Variants in RER1 observed in about 807,000 individuals in gnomAD.
RER1 encodes retention in endoplasmic reticulum sorting receptor 1.
Under a neutral mutation model 28.3 loss-of-function variants are expected in RER1, and 6 were observed. That is an observed-to-expected ratio of 0.21 (90% CI 0.12 to 0.42). The LOEUF is 0.42. RER1 is among the 10% of genes least tolerant of loss of function. RER1 has a pLI of 1.00. For missense variants in RER1, 159 were observed against 252.9 expected, an observed-to-expected ratio of 0.63 and a Z score of 2.52; for synonymous variants, 110 against 95.9, an observed-to-expected ratio of 1.15 and a Z score of -0.86.
At position 2,405,194 on chromosome 1, in the gene RER1, T is replaced by TAGA; in HGVS notation, c.*2070_*2071insAGA. 1 of 182,172 alleles carries TAGA rather than the reference T, an allele frequency of 5.5e-6. No individual in the cohort carries two copies. The highest frequency in any genetic ancestry group is 1.2e-5 in the Non-Finnish European group (1 of 84,990). The allele number at this position is 182,172 out of a possible 1,614,324, so 11.3% of individuals were successfully genotyped here. On this transcript the variant is annotated 3_prime_UTR_variant, in exon 7 of 7. Transcript: ENST00000605895. ...GACGGAGGTGCTGGCCTTGGTTGGT[T>TAGA]TCTCTCTGCCCCGTGTGGTCATCAA...
intron 5 of RER1, among the ~76,000 whole-genome samples, chr1:2,401,776 C>T (rs1642867134): frequency 6.6e-6 from 1 of 152,130 alleles, no homozygotes; most frequent in Non-Finnish European, 1.5e-5. Context: ...GAGAGCTGAG[C>T]CTCCAGGGCC....
rs1212260642 is a variant in RER1 at position 2,404,269 on chromosome 1, C to G, written c.*1145C>G. 4 of 152,270 alleles carry G rather than the reference C, an allele frequency of 2.6e-5. No individual in the cohort carries two copies. Among genetic ancestry groups the G allele is most frequent in the Admixed American group, 2.0e-4 (3 of 15,288 alleles). The allele number at this position is 152,270 out of a possible 1,614,324, so 9.4% of individuals were successfully genotyped here. A position where few individuals can be genotyped will look rare whatever the true frequency, so the allele number is the denominator to read the frequency against. On this transcript the variant is annotated 3_prime_UTR_variant, in exon 7 of 7. Coordinates refer to ENST00000605895, the MANE Select transcript of RER1 (RefSeq NM_007033.5). ...TTTACATATCTGACATCGAGCTCCT[C>G]TAAGAGGCCACGTTCAAGCTTGTGT... is the stretch of plus-strand genomic sequence containing the variant.
chr1:2,397,424 A>G lies in RER1; in HGVS notation c.186+204A>G, dbSNP rs537367188. On this transcript the variant is annotated intron_variant, in intron 3 of 6. Coordinates refer to ENST00000605895, the MANE Select transcript of RER1 (RefSeq NM_007033.5). ...ATGATTCACCCGGAGTCGCCTCGCC[A>G]GGCTTCTCAGTATACCCAGGCCGTC... is the stretch of plus-strand genomic sequence containing the variant. Among the ~76,000 whole-genome samples, 286 of 152,284 alleles carry G rather than the reference A, an allele frequency of 1.9e-3. 1 individual carries two copies. Among genetic ancestry groups the G allele is most frequent in the Middle Eastern group, 6.8e-3 (2 of 294 alleles).
At chr1:2,396,532 A>G (rs964369176) in intron 2 of RER1, among the ~76,000 whole-genome samples, 1 of 152,246 alleles carries the variant, frequency 6.6e-6, no homozygotes, top group African/African-American at 2.4e-5. Context: ...ATTTCTCACA[A>G]TTTGAAAATT....
intron 1 of RER1, chr1:2,395,541 A>G: frequency 2.0e-6 from 1 of 501,564 alleles, no homozygotes; most frequent in Non-Finnish European, 3.6e-6. Context: ...CTGAGGTGCC[A>G]GTGTGGGAAT....
intron 2 of RER1, 48 bp from the exon 3 acceptor site, chr1:2,397,068 C>A: frequency 7.7e-7 from 1 of 1,291,252 alleles, no homozygotes; most frequent in Non-Finnish European, 1.1e-6. Flanking sequence ...AGGGTCAGTA[C>A]AGAAGTTACA....
chr1:2,396,732 G>C (rs1320668304), intron 2 of RER1, among the ~76,000 whole-genome samples: 1 of 152,210 alleles, frequency 6.6e-6, no homozygotes, highest in African/African-American at 2.4e-5. Context: ...TGCTGCAGAT[G>C]GGGGAGCTGA....
At chr1:2,399,047 C>T (rs1318792947) in intron 3 of RER1, among the ~76,000 whole-genome samples, 3 of 152,122 alleles carry the variant, frequency 2.0e-5, no homozygotes, top group South Asian at 2.1e-4. Context: ...CTCAGGTGCC[C>T]GGGCCACCCG....
chr1:2,394,234 C>G (rs1256355742), intron 1 of RER1: 1 of 152,200 alleles, frequency 6.6e-6, no homozygotes, highest in Non-Finnish European at 1.5e-5. Flanking sequence ...CAAAGGGCCC[C>G]TCGGTCTCCT....
chr1:2,402,939 G>A (rs1642892966), intron 6 of RER1, 96 bp from the exon 7 acceptor site: 7 of 990,464 alleles, frequency 7.1e-6, no homozygotes, highest in Admixed American at 2.0e-5. Context: ...CTGATGTATA[G>A]AAAAGATGGG....
intron 2 of RER1, 92 bp from the exon 3 acceptor site, chr1:2,397,023 GA>G: frequency 5.2e-6 from 4 of 762,976 alleles, no homozygotes; most frequent in Non-Finnish European, 6.7e-6. Flanking sequence ...TTTAAAAATT[GA>G]AAGCCAACCC....
rs1642910283 is a variant in RER1, at chr1:2,403,698, A to G, written c.*574A>G. ...CTAATGACTCAAAACTTGGTTCTTA[A>G]CTACCATGATTGCTTTTGAGGGCCC... On this transcript the variant is annotated 3_prime_UTR_variant, in exon 7 of 7. Transcript: ENST00000605895. 6.5e-6 allele frequency: 1 copy of G among 152,738 alleles called. No homozygotes were observed. Among genetic ancestry groups the G allele is most frequent in the Non-Finnish European group, 1.5e-5 (1 of 68,088 alleles). The allele number at this position is 152,738 out of a possible 1,614,324, so 9.5% of individuals were successfully genotyped here. A position where few individuals can be genotyped will look rare whatever the true frequency, so the allele number is the denominator to read the frequency against.
At chr1:2,401,920 C>T in intron 5 of RER1, 1 of 1,200,230 alleles carries the variant, frequency 8.3e-7, no homozygotes, top group Non-Finnish European at 1.1e-6. Context: ...AGCCAGCAGG[C>T]ATGGGGCCCC....
intron 1 of RER1, among the ~76,000 whole-genome samples, 161 bp downstream of exon 1, chr1:2,392,119 C>T (rs1262644612): frequency 4.6e-5 from 7 of 151,496 alleles, no homozygotes; most frequent in Admixed American, 2.0e-4. Flanking sequence ...GACCCGCGGC[C>T]CTGAGGGGTA....
rs61760852 is a variant in RER1, at chr1:2,398,719, G to C, written c.187-696G>C. 3.1e-3 allele frequency among the ~76,000 whole-genome samples: 476 copies of C among 152,358 alleles called. 1 individual carries two copies. Among genetic ancestry groups the C allele is most frequent in the Non-Finnish European group, 5.1e-3 (347 of 68,044 alleles). On this transcript the variant is annotated intron_variant, in intron 3 of 6. Transcript: ENST00000605895. ...TTAAGGCTTTTGAAATTGAGAATGCGGTTCTGGCTTTTAACGGGATATGCT... is the reference window on the plus strand; with the variant it reads ...TTAAGGCTTTTGAAATTGAGAATGCCGTTCTGGCTTTTAACGGGATATGCT...
chr1:2,399,728 G>A (rs545800461), intron 4 of RER1, among the ~76,000 whole-genome samples: 1 of 152,222 alleles, frequency 6.6e-6, no homozygotes, highest in Non-Finnish European at 1.5e-5. Context: ...CCACTTTGCA[G>A]ATGAGGAAAC....
rs1007235183 is a variant in RER1, at chr1:2,399,330, A to G, written c.187-85A>G. On this transcript the variant is annotated intron_variant, in intron 3 of 6. Transcript: ENST00000605895. ...AAAGTTAGATCAGTTAACAAAGTTG[A>G]GAGTGAACCGGAGTGCAAACGTGAA... 4 of 871,396 alleles carry G rather than the reference A, an allele frequency of 4.6e-6. No homozygotes were observed. The African/African-American group carries it at 5.0e-5, about 11-fold the overall frequency. 54.0% of individuals were successfully genotyped at this position (871,396 alleles called of 1,614,324 possible).
chr1:2,395,498 C>G lies in RER1; in HGVS notation c.-7-286C>G, dbSNP rs1642756178. The G allele has an allele frequency of 3.4e-5, 14 of 411,862 alleles. 1 individual carries two copies. Among genetic ancestry groups the G allele is most frequent in the South Asian group, 3.3e-4 (14 of 42,868 alleles). 25.5% of individuals were successfully genotyped at this position (411,862 alleles called of 1,614,324 possible). On this transcript the variant is annotated intron_variant, in intron 1 of 6. Coordinates refer to ENST00000605895, the MANE Select transcript of RER1 (RefSeq NM_007033.5). The stretch of plus-strand genomic sequence containing the variant: ...TGGCCAGCAAGGCTGCTCCTGGGGC[C>G]AGTGGGGTGGACAGTCCCGCCCACG...
Position 2,404,427 on chromosome 1 carries a change from C to T in RER1, c.*1303C>T, listed in dbSNP as rs1163439517. On this transcript the variant is annotated 3_prime_UTR_variant, in exon 7 of 7. Coordinates refer to ENST00000605895, the MANE Select transcript of RER1 (RefSeq NM_007033.5). ...ACTGTTTTCTTAATAAGCGCTCAGG[C>T]CTAAGGTGTGACAGGAAGTCGCACG... 6.6e-6 allele frequency: 1 copy of T among 152,240 alleles called. No individual in the cohort carries two copies. The highest frequency in any genetic ancestry group is 6.5e-5 in the Admixed American group (1 of 15,290). The allele number at this position is 152,240 out of a possible 1,614,324, so 9.4% of individuals were successfully genotyped here.
Sources: allele counts gnomAD v4.1 joint callset (sites outside exome capture counted in the v4.1 genomes callset), GRCh38; gene constraint gnomAD v4.1.1; transcripts MANE v1.5; gene names NCBI Gene and HGNC (gene_info 2026-07-23, HGNC 2026-07-21).